RASA3: variants seen among roughly 807,000 people sequenced by gnomAD.
RASA3 encodes RAS p21 protein activator 3.
RASA3 carries 73 observed loss-of-function variants against 110.0 expected under a neutral mutation model. The ratio of observed to expected loss-of-function variants is 0.66; its 90% CI spans 0.55 to 0.81. The LOEUF is 0.81. Ranked by LOEUF, RASA3 falls within the 30% of genes least tolerant of loss-of-function variation. RASA3 has a pLI of 0.00. For synonymous variants in RASA3, 500 were observed against 451.4 expected, an observed-to-expected ratio of 1.11 and a Z score of -1.37; for missense variants, 976 against 1,113.2, an observed-to-expected ratio of 0.88 and a Z score of 1.75.
At chr13:114,068,249 G>A (rs1226410740) in intron 2 of RASA3, among the ~76,000 whole-genome samples, 1 of 152,206 alleles carries the variant, frequency 6.6e-6, no homozygotes, top group African/African-American at 2.4e-5. Context: ...GTGGGGCAGA[G>A]GGCTTTGCCC....
intron 15 of RASA3, among the ~76,000 whole-genome samples, chr13:114,012,537 C>T (rs1273188870): frequency 1.4e-5 from 2 of 144,570 alleles, no homozygotes; most frequent in Non-Finnish European, 3.0e-5. Context: ...CACACACACT[C>T]CTCATTCCAT....
intron 23 of RASA3, 123 bp from the exon 24 acceptor site, chr13:113,979,545 T>C (rs1364661365): frequency 2.5e-6 from 2 of 806,006 alleles, no homozygotes; most frequent in African/African-American, 1.7e-5. Context: ...ACACAAAAAA[T>C]AGAGGAGCCA....
At chr13:114,010,469 G>T (rs1223493080) in intron 16 of RASA3, among the ~76,000 whole-genome samples, 1 of 151,796 alleles carries the variant, frequency 6.6e-6, no homozygotes, top group Non-Finnish European at 1.5e-5. Context: ...GCTCTTAGGG[G>T]GAAATGGGGC....
chr13:114,130,423 G>C (rs1455808893), intron 1 of RASA3, among the ~76,000 whole-genome samples: 1 of 152,224 alleles, frequency 6.6e-6, no homozygotes, highest in Non-Finnish European at 1.5e-5. Flanking sequence ...AGCAGCCTAA[G>C]CCTCAGCTGA....
intron 1 of RASA3, among the ~76,000 whole-genome samples, chr13:114,100,845 G>C (rs2080050323): frequency 6.6e-6 from 1 of 152,250 alleles, no homozygotes; most frequent in Non-Finnish European, 1.5e-5. Flanking sequence ...TCGCCACCTG[G>C]AGAGGCTGCT....
chr13:113,993,795 G>A (rs1315924877), intron 21 of RASA3, among the ~76,000 whole-genome samples: 6 of 125,342 alleles, frequency 4.8e-5, no homozygotes, highest in East Asian at 2.3e-4. Context: ...GCAACAGAGC[G>A]AGACTCTGCC....
At chr13:114,062,677 A>G (rs2079379323) in intron 2 of RASA3, among the ~76,000 whole-genome samples, 1 of 152,208 alleles carries the variant, frequency 6.6e-6, no homozygotes, top group African/African-American at 2.4e-5. Flanking sequence ...CCACGTCCGC[A>G]TGCAGACTCG....
At chr13:114,116,116 C>A (rs1226968325) in intron 1 of RASA3, among the ~76,000 whole-genome samples, 1 of 152,224 alleles carries the variant, frequency 6.6e-6, no homozygotes, top group African/African-American at 2.4e-5. Context: ...TGTGCCCTCT[C>A]GGCCAGCCTT....
intron 1 of RASA3, among the ~76,000 whole-genome samples, chr13:114,108,252 A>C: frequency 1.5e-5 from 1 of 68,084 alleles, no homozygotes; most frequent in South Asian, 5.4e-4. Flanking sequence ...CATGTCTGTC[A>C]CCCTGCATCC....
At chr13:114,079,783 G>A (rs901533486) in intron 1 of RASA3, among the ~76,000 whole-genome samples, 7 of 152,182 alleles carry the variant, frequency 4.6e-5, no homozygotes, top group Non-Finnish European at 1.0e-4. Context: ...CTCTGGACAC[G>A]GGGGCTCCGT....
intron 1 of RASA3, among the ~76,000 whole-genome samples, chr13:114,089,089 C>T (rs1479167636): frequency 6.6e-6 from 1 of 152,084 alleles, no homozygotes; most frequent in African/African-American, 2.4e-5. Flanking sequence ...CCTCAAGCCT[C>T]CCAGCAGGGC....
At chr13:114,013,923 CGTCTCTCTCTCCCT>C (rs1187592958) in intron 14 of RASA3, among the ~76,000 whole-genome samples, 8 of 42,872 alleles carry the variant, frequency 1.9e-4, no homozygotes, top group African/African-American at 1.2e-3. Flanking sequence ...TCTCTCTCTC[CGTCTCTCTCTCCCT>C]GTCTCTATCT....
At chr13:114,132,383 AG>A in intron 1 of RASA3, 51 bp downstream of exon 1, 1 of 1,448,944 alleles carries the variant, frequency 6.9e-7, no homozygotes, top group South Asian at 1.4e-5. Flanking sequence ...GGCGCGGGAG[AG>A]GACAGGGTCG....
In RASA3 at chr13:113,995,834, C is replaced by T. The variant is rs182325056; in HGVS notation, c.2141+697G>A. ...TCCGGCTGACGGGGGGCCCGGCTGA[C>T]GGGGGGCCCGGCTGACGGGGGGCCC... On this transcript the variant is annotated intron_variant, in intron 21 of 23. Coordinates refer to ENST00000334062, the MANE Select transcript of RASA3 (RefSeq NM_007368.4). 8.2e-3 allele frequency among the ~76,000 whole-genome samples: 140 copies of T among 17,124 alleles called. 19 individuals are homozygous for T. The highest frequency in any genetic ancestry group is 0.01 in the Non-Finnish European group (111 of 10,614). 11.2% of individuals were successfully genotyped at this position (17,124 alleles called of 152,430 possible). A position where few individuals can be genotyped will look rare whatever the true frequency, so the allele number is the denominator to read the frequency against.
At chr13:114,005,057 G>C (rs964161618) in intron 18 of RASA3, among the ~76,000 whole-genome samples, 7 of 152,198 alleles carry the variant, frequency 4.6e-5, no homozygotes, top group African/African-American at 1.4e-4. Context: ...TGGTCCATAG[G>C]AGATAAACAC....
rs2080234297 is a variant in RASA3, at chr13:114,112,640, G to A, written c.55+19795C>T. Among the ~76,000 whole-genome samples the A allele has an allele frequency of 6.6e-6, 1 of 151,956 alleles. No homozygotes were observed. Among genetic ancestry groups the A allele is most frequent in the East Asian group, 1.9e-4 (1 of 5,140 alleles). ...CCCGGGTTAAGGGTTGGTAACTGGA[G>A]AATGGGGTGGGGGTATGCCAGCTCT... is the stretch of plus-strand genomic sequence containing the variant. On this transcript the variant is annotated intron_variant, in intron 1 of 23. Coordinates refer to ENST00000334062, the MANE Select transcript of RASA3 (RefSeq NM_007368.4). This position sits in a 1 kb window ranked among gnomAD's most constrained non-coding sequence, Gnocchi z 4.8.
intron 8 of RASA3, among the ~76,000 whole-genome samples, chr13:114,022,704 T>C (rs2053951650): frequency 6.6e-6 from 1 of 152,222 alleles, no homozygotes; most frequent in Non-Finnish European, 1.5e-5. Flanking sequence ...TTTAAAAAAA[T>C]GTGCTGAGTG....
intron 22 of RASA3, among the ~76,000 whole-genome samples, chr13:113,991,975 TCA>T (rs1443189286): frequency 2.0e-5 from 3 of 151,946 alleles, no homozygotes; most frequent in East Asian, 1.9e-4. Flanking sequence ...ATTCATGCAC[TCA>T]CACGTGTCCA....
At position 114,015,219 on chromosome 13, in the gene RASA3, C is replaced by CT; in HGVS notation, c.1394dup (p.Arg466AlafsTer5). The CT allele has an allele frequency of 3.7e-6, 6 of 1,613,062 alleles. No homozygotes were observed. Among genetic ancestry groups the CT allele is most frequent in the Non-Finnish European group, 5.1e-6 (6 of 1,179,982 alleles). ...GTTCAGGGCACTCACCCTGGAAGCGCTTGGCCGCCGCCTCCCGGAGGGAGA... is the reference window on the plus strand; with the variant it reads ...GTTCAGGGCACTCACCCTGGAAGCGCTTTGGCCGCCGCCTCCCGGAGGGAGA... On this transcript the variant is annotated frameshift_variant, in exon 14 of 24. Transcript: ENST00000334062. LOFTEE classifies it high-confidence loss of function.
Sources: allele counts gnomAD v4.1 joint callset (sites outside exome capture counted in the v4.1 genomes callset), GRCh38; gene constraint gnomAD v4.1.1; non-coding constraint Gnocchi (gnomAD v3.1); transcripts MANE v1.5; gene names NCBI Gene and HGNC (gene_info 2026-07-23, HGNC 2026-07-21).